ANKRD30B: variants seen among roughly 807,000 people sequenced by gnomAD.
The protein encoded by ANKRD30B is ankyrin repeat domain 30B, also known as ankyrin repeat domain-containing protein 30B.
Under a neutral mutation model 202.2 loss-of-function variants are expected in ANKRD30B, and 144 were observed. The observed-to-expected ratio is 0.71, with a 90% CI of 0.62 to 0.82. The LOEUF (loss-of-function observed/expected upper bound fraction) is 0.82, where lower values mean the gene tolerates loss of function less well. Ranked by LOEUF, ANKRD30B falls within the 40% of genes least tolerant of loss-of-function variation. The pLI, the probability that ANKRD30B is intolerant of heterozygous loss-of-function variation, is 0.00. For synonymous variants in ANKRD30B, 508 were observed against 561.3 expected, an observed-to-expected ratio of 0.91 and a Z score of 1.34; for missense variants, 1,487 against 1,669.1, an observed-to-expected ratio of 0.89 and a Z score of 1.90.
intron 36 of ANKRD30B, among the ~76,000 whole-genome samples, chr18:14,838,515 A>T (rs968348323): frequency 2.0e-5 from 3 of 151,436 alleles, no homozygotes; most frequent in Admixed American, 1.3e-4. Context: ...ATAAGTGGAC[A>T]TTTTTTTTTC....
intron 39 of ANKRD30B, among the ~76,000 whole-genome samples, chr18:14,846,434 C>T (rs1267396775): frequency 6.6e-6 from 1 of 151,328 alleles, no homozygotes; most frequent in Non-Finnish European, 1.5e-5. Flanking sequence ...GAATATAGTC[C>T]TTGAGTACTT....
intron 37 of ANKRD30B, among the ~76,000 whole-genome samples, chr18:14,842,237 T>G (rs1355073278): frequency 6.6e-6 from 1 of 152,234 alleles, no homozygotes; most frequent in African/African-American, 2.4e-5. Flanking sequence ...TTTTATAGTA[T>G]TTTTTGCATG....
chr18:14,752,572 T>G lies in ANKRD30B; in HGVS notation c.228T>G (p.Ala76=). 1 of 1,612,038 alleles carries G rather than the reference T, an allele frequency of 6.2e-7. No homozygotes were observed. Among genetic ancestry groups the G allele is most frequent in the East Asian group, 2.2e-5 (1 of 44,848 alleles). Residue 76 remains alanine (A), a synonymous_variant, in exon 2 of 44, where the codon GCT becomes GCG. Transcript: ENST00000690538. Reference sequence around the variant, plus strand: ...AGTCCTCTCACTCTCGTAGGACTGCTCTACACTGGGCCTGTGTCAATGGCC... The same window carrying G: ...AGTCCTCTCACTCTCGTAGGACTGCGCTACACTGGGCCTGTGTCAATGGCC... ...LNKRDMKKRT[A]LHWACVNGHA... is the part of the protein sequence containing the mutation.
chr18:14,865,498 C>T, the ANKRD30B span, among the ~76,000 whole-genome samples: 3 of 151,914 alleles, frequency 2.0e-5, no homozygotes, highest in Non-Finnish European at 4.4e-5. Context: ...CCGTTCCCCA[C>T]TCACGACCCT....
At chr18:14,856,325 G>T (rs1287397272), downstream of ANKRD30B, among the ~76,000 whole-genome samples, 1 of 119,008 alleles carries the variant, frequency 8.4e-6, no homozygotes, top group Non-Finnish European at 1.8e-5. Context: ...TCAGGCAGAG[G>T]CGCTCCTCAC....
the ANKRD30B span, among the ~76,000 whole-genome samples, chr18:14,863,673 C>T: frequency 6.6e-6 from 1 of 151,350 alleles, no homozygotes; most frequent in Non-Finnish European, 1.5e-5. Flanking sequence ...CTGAATTTTA[C>T]CAAGCATACA....
chr18:14,831,477 T>C (rs1331989025), intron 34 of ANKRD30B, 22 bp downstream of exon 34: 1 of 1,368,380 alleles, frequency 7.3e-7, no homozygotes, highest in Non-Finnish European at 1.0e-6. Flanking sequence ...TCTTGTTAAA[T>C]TGATTTTCTC....
chr18:14,924,101 C>A, the ANKRD30B span, among the ~76,000 whole-genome samples: 1 of 152,216 alleles, frequency 6.6e-6, no homozygotes, highest in Non-Finnish European at 1.5e-5. Context: ...GTCATGTCAC[C>A]TCTGACACTT....
At chr18:14,856,563 T>G (rs1204719264), downstream of ANKRD30B, among the ~76,000 whole-genome samples, 4 of 117,104 alleles carry the variant, frequency 3.4e-5, no homozygotes, top group Non-Finnish European at 7.5e-5. Flanking sequence ...GCTCCTCACT[T>G]CCCAGATGGG....
intron 14 of ANKRD30B, among the ~76,000 whole-genome samples, chr18:14,786,004 G>C (rs1326465940): frequency 8.3e-6 from 1 of 120,900 alleles, no homozygotes; most frequent in Non-Finnish European, 1.6e-5. Flanking sequence ...CGCCACTGCA[G>C]TCTGCAGTCC....
the ANKRD30B span, among the ~76,000 whole-genome samples, chr18:14,929,002 A>G: frequency 6.6e-6 from 1 of 152,168 alleles, no homozygotes; most frequent in Non-Finnish European, 1.5e-5. Flanking sequence ...AACAAAGCTT[A>G]TTGTGACTGT....
chr18:14,782,610 A>G lies in ANKRD30B; in HGVS notation c.1566A>G (p.Val522=). Residue 522 remains valine, a synonymous_variant, in exon 12 of 44, where the codon GTA becomes GTG. Transcript: ENST00000690538. ...AAGTAATGGAGATAAATAGAGAAGTAGAAGGTAAGAACAACTTTTTATTTG... is the reference window on the plus strand; with the variant it reads ...AAGTAATGGAGATAAATAGAGAAGTGGAAGGTAAGAACAACTTTTTATTTG... ...YQKVMEINRE[V]EELPEKPSAF... The G allele has an allele frequency of 1.3e-6, 2 of 1,563,748 alleles. No individual in the cohort carries two copies. The highest frequency in any genetic ancestry group is 1.7e-6 in the Non-Finnish European group (2 of 1,157,898).
At chr18:14,752,248 C>T (rs1913569502) in intron 1 of ANKRD30B, among the ~76,000 whole-genome samples, 1 of 152,158 alleles carries the variant, frequency 6.6e-6, no homozygotes. Context: ...CGGCTGTATT[C>T]ATCTCCATTT....
In ANKRD30B at chr18:14,828,279, G is replaced by A. The variant is rs1812159923; in HGVS notation, c.2745G>A (p.Glu915=). The change falls in exon 33 of 44, where the codon GAG becomes GAA. Residue 915 remains glutamate (E), a splice_region_variant and synonymous_variant. Coordinates refer to ENST00000690538, the MANE Select transcript of ANKRD30B (RefSeq NM_001367607.2). ...ELKDRETFKA[E]DVSSVESTFS... is the part of the protein sequence containing the mutation. ...GTATTTTACTCTTTTCTTTAATAGA[G>A]GATGTGAGTTCTGTAGAGTCCACAT... 2 of 1,532,246 alleles carry A rather than the reference G, an allele frequency of 1.3e-6. No individual in the cohort carries two copies. Among genetic ancestry groups the A allele is most frequent in the Non-Finnish European group, 1.8e-6 (2 of 1,139,172 alleles). The allele number at this position is 1,532,246 out of a possible 1,614,324, so 94.9% of individuals were successfully genotyped here. A position where few individuals can be genotyped will look rare whatever the true frequency, so the allele number is the denominator to read the frequency against.
At chr18:14,855,679 G>A (rs533692071), downstream of ANKRD30B, among the ~76,000 whole-genome samples, 662 of 149,338 alleles carry the variant, frequency 4.4e-3, 3 homozygotes, top group Non-Finnish European at 6.9e-3. Context: ...GGGCGGCCGG[G>A]CAGAGGCACT....
At chr18:14,752,159 T>C (rs1246136531) in intron 1 of ANKRD30B, among the ~76,000 whole-genome samples, 3 of 152,194 alleles carry the variant, frequency 2.0e-5, no homozygotes, top group African/African-American at 7.2e-5. Context: ...ATTACTTAGC[T>C]GTTACATGTA....
At chr18:14,902,519 T>A in the ANKRD30B span, among the ~76,000 whole-genome samples, 1 of 152,340 alleles carries the variant, frequency 6.6e-6, no homozygotes, top group South Asian at 2.1e-4. Flanking sequence ...CTATTCTGGC[T>A]GTACTTTAGT....
At chr18:14,807,463 A>G (rs1243368136) in intron 24 of ANKRD30B, among the ~76,000 whole-genome samples, 1 of 149,296 alleles carries the variant, frequency 6.7e-6, no homozygotes, top group African/African-American at 2.5e-5. Flanking sequence ...CTAACATTGA[A>G]ATATGCAGGT....
At chr18:14,753,671 A>T (rs1913844600) in intron 3 of ANKRD30B, among the ~76,000 whole-genome samples, 1 of 152,122 alleles carries the variant, frequency 6.6e-6, no homozygotes, top group Non-Finnish European at 1.5e-5. Flanking sequence ...TAGAATTTCG[A>T]AGACTTTTTA....
Sources: gnomAD v4.1 joint callset for allele counts (sites outside exome capture counted in the v4.1 genomes callset) on GRCh38, gnomAD v4.1.1 for gene constraint, MANE v1.5 for transcripts, NCBI Gene and HGNC (gene_info 2026-07-23, HGNC 2026-07-21) for gene names.